MARCHF3: variants seen among roughly 807,000 people sequenced by gnomAD.
MARCHF3 encodes E3 ubiquitin-protein ligase MARCHF3.
A neutral mutation model predicts 24.2 loss-of-function variants in MARCHF3; 13 were observed. That is an observed-to-expected ratio of 0.54 (90% CI 0.35 to 0.85). The LOEUF (loss-of-function observed/expected upper bound fraction) is 0.85. Among genes scored for constraint, MARCHF3 ranks in the 40% least tolerant of loss-of-function variants. The pLI is 0.01. For missense variants in MARCHF3, 276 were observed against 325.0 expected, an observed-to-expected ratio of 0.85 and a Z score of 1.16; for synonymous variants, 144 against 137.3, an observed-to-expected ratio of 1.05 and a Z score of -0.34.
chr5:126,917,006 C>T (rs907426224), intron 2 of MARCHF3, among the ~76,000 whole-genome samples: 1 of 152,178 alleles, frequency 6.6e-6, no homozygotes, highest in African/African-American at 2.4e-5. Context: ...GTGTTTACAA[C>T]AGCATGGGAG....
intron 1 of MARCHF3, among the ~76,000 whole-genome samples, chr5:126,927,054 A>G (rs1476248718): frequency 6.6e-6 from 1 of 152,192 alleles, no homozygotes; most frequent in African/African-American, 2.4e-5. Flanking sequence ...GGTAAAAAAA[A>G]TCACAGGAAC....
chr5:126,901,689 A>T (rs760744472), intron 3 of MARCHF3, among the ~76,000 whole-genome samples: 13 of 152,146 alleles, frequency 8.5e-5, no homozygotes, highest in Non-Finnish European at 1.5e-4. Context: ...AGCCCTCAGC[A>T]GGGAGCGTTA....
intron 3 of MARCHF3, among the ~76,000 whole-genome samples, chr5:126,880,145 G>A (rs114234149): frequency 6.6e-6 from 1 of 152,146 alleles, no homozygotes; most frequent in African/African-American, 2.4e-5. Flanking sequence ...GCAGTGTAAG[G>A]CCTGGCAAAA....
intron 4 of MARCHF3, among the ~76,000 whole-genome samples, chr5:126,873,288 T>C (rs1753034550): frequency 6.6e-6 from 1 of 151,998 alleles, no homozygotes; most frequent in African/African-American, 2.4e-5. Flanking sequence ...ATGTAATGCA[T>C]ATAAAACACC....
chr5:126,878,502 A>C (rs1753245496), intron 3 of MARCHF3, 108 bp from the exon 4 acceptor site: 1 of 1,093,992 alleles, frequency 9.1e-7, no homozygotes, highest in Non-Finnish European at 1.3e-6. Context: ...CCTTGGGAAA[A>C]GGCATTTCTG....
intron 3 of MARCHF3, among the ~76,000 whole-genome samples, 164 bp from the exon 4 acceptor site, chr5:126,878,558 C>A (rs1047903411): frequency 6.6e-6 from 1 of 152,094 alleles, no homozygotes; most frequent in African/African-American, 2.4e-5. Flanking sequence ...CATTCCCATG[C>A]TCCACCCCCT....
chr5:126,869,553 TAGAATA>T lies in MARCHF3; in HGVS notation c.*1074_*1079del, dbSNP rs1482581842. The T allele has an allele frequency of 6.9e-6, 1 of 143,920 alleles. No individual in the cohort carries two copies. The highest frequency in any genetic ancestry group is 2.6e-5 in the African/African-American group (1 of 38,928). 8.9% of individuals were successfully genotyped at this position (143,920 alleles called of 1,614,324 possible). A position where few individuals can be genotyped will look rare whatever the true frequency, so the allele number is the denominator to read the frequency against. ...TTTAAAGAATCAGACAAAGGGGTCT[TAGAATA>T]AGTGCAGGGCTGCTAGGACAGGCTT... On this transcript the variant is annotated 3_prime_UTR_variant, in exon 5 of 5. Coordinates refer to ENST00000308660, the MANE Select transcript of MARCHF3 (RefSeq NM_178450.5).
intron 3 of MARCHF3, among the ~76,000 whole-genome samples, chr5:126,902,591 CAG>C (rs1237378132): frequency 6.6e-6 from 1 of 152,148 alleles, no homozygotes; most frequent in Non-Finnish European, 1.5e-5. Flanking sequence ...GCTAAAAACA[CAG>C]ACACTGAGCA....
At chr5:127,030,269 G>A (rs1314037892) in intron 1 of MARCHF3, 81 bp downstream of exon 1, 1 of 152,224 alleles carries the variant, frequency 6.6e-6, no homozygotes, top group Non-Finnish European at 1.5e-5. Context: ...GGACCGCCGA[G>A]CGCCAGGACG....
chr5:126,983,986 T>A (rs1245730864), intron 1 of MARCHF3, among the ~76,000 whole-genome samples: 1 of 152,142 alleles, frequency 6.6e-6, no homozygotes, highest in African/African-American at 2.4e-5. Flanking sequence ...TTAAGCCAGG[T>A]TGTAGCAAAA....
intron 1 of MARCHF3, among the ~76,000 whole-genome samples, chr5:127,003,866 G>T (rs1396950421): frequency 6.6e-6 from 1 of 152,302 alleles, no homozygotes; most frequent in African/African-American, 2.4e-5. Flanking sequence ...ACACACATGT[G>T]CACACAAACA....
intron 3 of MARCHF3, among the ~76,000 whole-genome samples, chr5:126,893,130 G>A (rs1753755721): frequency 6.6e-6 from 1 of 151,942 alleles, no homozygotes; most frequent in African/African-American, 2.4e-5. Context: ...GGGATCGGTG[G>A]TGATATCCCC....
intron 1 of MARCHF3, among the ~76,000 whole-genome samples, chr5:126,950,450 T>TC (rs112753159): frequency 0.092 from 14,030 of 152,166 alleles, 1,436 homozygotes; most frequent in African/African-American, 0.25. Flanking sequence ...AAGCTTGCTT[T>TC]CACTTCATGG....
intron 1 of MARCHF3, among the ~76,000 whole-genome samples, chr5:127,017,003 CTATCACAAGGA>C (rs1752656314): frequency 6.6e-6 from 1 of 152,174 alleles, no homozygotes. Flanking sequence ...TCTCAGCAAA[CTATCACAAGGA>C]TAGAAAACCA....
chr5:126,988,926 G>T (rs1007643414), intron 1 of MARCHF3, among the ~76,000 whole-genome samples: 3 of 152,114 alleles, frequency 2.0e-5, no homozygotes, highest in African/African-American at 7.2e-5. Flanking sequence ...ATAAAGAAAA[G>T]ATGTTTCTTC....
intron 1 of MARCHF3, among the ~76,000 whole-genome samples, chr5:127,021,563 T>G (rs1422567538): frequency 6.6e-6 from 1 of 152,200 alleles, no homozygotes; most frequent in Non-Finnish European, 1.5e-5. Context: ...AATGGTGCCT[T>G]AGCTCTTGAA....
intron 1 of MARCHF3, among the ~76,000 whole-genome samples, chr5:126,979,720 G>A (rs992239485): frequency 2.0e-5 from 3 of 152,032 alleles, no homozygotes; most frequent in African/African-American, 4.8e-5. Flanking sequence ...AGGCTGAGGC[G>A]GGCAGATCAC....
chr5:126,899,741 T>A (rs191293390), intron 3 of MARCHF3, among the ~76,000 whole-genome samples: 2 of 152,060 alleles, frequency 1.3e-5, no homozygotes, highest in Non-Finnish European at 2.9e-5. Flanking sequence ...CAGCTCAGGG[T>A]GTTTTTTAAA....
intron 1 of MARCHF3, among the ~76,000 whole-genome samples, chr5:126,969,770 A>G (rs1750937360): frequency 6.6e-6 from 1 of 152,192 alleles, no homozygotes; most frequent in Admixed American, 6.5e-5. Context: ...CCCCATCTGC[A>G]GAGATTCTGC....
Sources: allele counts gnomAD v4.1 joint callset (sites outside exome capture counted in the v4.1 genomes callset), GRCh38; gene constraint gnomAD v4.1.1; transcripts MANE v1.5; gene names NCBI Gene and HGNC (gene_info 2026-07-23, HGNC 2026-07-21).